Variants in ANKIB1 observed in about 807,000 individuals in gnomAD.
ANKIB1 encodes ankyrin repeat and IBR domain containing 1, also known as ankyrin repeat and IBR domain-containing protein 1.
A neutral mutation model predicts 122.1 loss-of-function variants in ANKIB1; 43 were observed. That is an observed-to-expected ratio of 0.35 (90% CI 0.28 to 0.45). ANKIB1 has a LOEUF of 0.45. Ranked by LOEUF, ANKIB1 falls within the 20% of genes least tolerant of loss-of-function variation. The pLI is 1.00. For missense variants in ANKIB1, 992 were observed against 1,329.5 expected, an observed-to-expected ratio of 0.75 and a Z score of 3.95; for synonymous variants, 390 against 442.0, an observed-to-expected ratio of 0.88 and a Z score of 1.48.
Position 92,398,246 on chromosome 7 carries a change from T to C in ANKIB1, c.2567T>C (p.Ile856Thr). Residue 856 changes from isoleucine (I) to threonine (T), a missense_variant, in exon 20 of 20, where the codon ATA becomes ACA. Ile to Thr is a moderately conservative substitution (Grantham distance 89). Coordinates refer to ENST00000265742, the MANE Select transcript of ANKIB1 (RefSeq NM_019004.2). ...TCCTTGGATGAAGACGATCCCAATATACTTCTTGCAATACAGTTATCACTG... is the reference window on the plus strand; with the variant it reads ...TCCTTGGATGAAGACGATCCCAATACACTTCTTGCAATACAGTTATCACTG... The part of the protein sequence containing the change: ...LSSLDEDDPN[I>T]LLAIQLSLQE... The C allele has an allele frequency of 6.2e-7, 1 of 1,610,840 alleles. No homozygotes were observed. Among genetic ancestry groups the C allele is most frequent in the Non-Finnish European group, 8.5e-7 (1 of 1,178,494 alleles).
rs1437344467 is a variant in ANKIB1, at chr7:92,246,014, C to T, written c.-596C>T. 6.1e-5 allele frequency: 15 copies of T among 246,628 alleles called. No homozygotes were observed. The highest frequency in any genetic ancestry group is 1.1e-4 in the Non-Finnish European group (14 of 125,980). 15.3% of individuals were successfully genotyped at this position (246,628 alleles called of 1,614,324 possible). A position where few individuals can be genotyped will look rare whatever the true frequency, so the allele number is the denominator to read the frequency against. On this transcript the variant is annotated 5_prime_UTR_variant, in exon 1 of 20. Transcript: ENST00000265742. ...CTGCTGCCGTTCCTGCTCCTTTTCACTGGACCTGCAGTCTCTCAGGGGCTG... is the reference window on the plus strand; with the variant it reads ...CTGCTGCCGTTCCTGCTCCTTTTCATTGGACCTGCAGTCTCTCAGGGGCTG...
chr7:92,309,315 G>A (rs1244140381), intron 3 of ANKIB1, among the ~76,000 whole-genome samples: 1 of 152,140 alleles, frequency 6.6e-6, no homozygotes, highest in Non-Finnish European at 1.5e-5. Context: ...AAACTCTTGG[G>A]TTTAAGCGAT....
intron 9 of ANKIB1, among the ~76,000 whole-genome samples, chr7:92,358,684 A>C (rs1187474655): frequency 2.6e-5 from 4 of 151,846 alleles, no homozygotes; most frequent in Admixed American, 2.6e-4. Context: ...ATGGATATTG[A>C]ATATGCTGTT....
intron 4 of ANKIB1, among the ~76,000 whole-genome samples, chr7:92,327,156 T>C (rs541370967): frequency 3.9e-5 from 6 of 152,336 alleles, no homozygotes; most frequent in African/African-American, 1.4e-4. Context: ...AATCCAAAAT[T>C]TTAAAACTGT....
chr7:92,355,544 G>A (rs1318322052), intron 9 of ANKIB1, among the ~76,000 whole-genome samples: 2 of 152,026 alleles, frequency 1.3e-5, no homozygotes, highest in Non-Finnish European at 2.9e-5. Context: ...TGATTGGCAG[G>A]AAATATTCTA....
At chr7:92,292,093 C>G (rs1802261753) in intron 1 of ANKIB1, among the ~76,000 whole-genome samples, 1 of 152,086 alleles carries the variant, frequency 6.6e-6, no homozygotes, top group Non-Finnish European at 1.5e-5. Flanking sequence ...TTGATTCAAA[C>G]AGAGGGAACA....
chr7:92,326,315 G>A lies in ANKIB1; in HGVS notation c.670-1468G>A, dbSNP rs1172084547. Among the ~76,000 whole-genome samples the A allele has an allele frequency of 2.6e-5, 4 of 152,130 alleles. No homozygotes were observed. In the South Asian group the frequency reaches 6.2e-4, roughly 24 times the overall value. On this transcript the variant is annotated intron_variant, in intron 4 of 19. Coordinates refer to ENST00000265742, the MANE Select transcript of ANKIB1 (RefSeq NM_019004.2). The stretch of plus-strand genomic sequence containing the variant: ...ATATCATGTCAGAACTGCAAGCAAA[G>A]CTAATTTTCCCCTATAAGTTACTTG...
rs187649000 is a variant in ANKIB1 at position 92,341,948 on chromosome 7, A to T, written c.788-1076A>T. ...AAGGAGCATCTATATTTATATACGT[A>T]CTTGTTTATTTTCCCTACCTGGAAA... is the stretch of plus-strand genomic sequence containing the variant. On this transcript the variant is annotated intron_variant, in intron 5 of 19. Transcript: ENST00000265742. Among the ~76,000 whole-genome samples, 417 of 152,192 alleles carry T rather than the reference A, an allele frequency of 2.7e-3. 3 individuals carry two copies. Among genetic ancestry groups the T allele is most frequent in the African/African-American group, 9.6e-3 (400 of 41,516 alleles).
chr7:92,398,121 C>A, intron 19 of ANKIB1, 91 bp from the exon 20 acceptor site: 1 of 1,313,636 alleles, frequency 7.6e-7, no homozygotes, highest in Non-Finnish European at 1.0e-6. Flanking sequence ...AATTAATAAT[C>A]TGTTGGTAAA....
intron 16 of ANKIB1, among the ~76,000 whole-genome samples, 194 bp from the exon 17 acceptor site, chr7:92,392,043 CATTT>C (rs1197351514): frequency 6.6e-6 from 1 of 151,878 alleles, no homozygotes; most frequent in Non-Finnish European, 1.5e-5. Context: ...ATTTTTTGAT[CATTT>C]TACACAAACA....
chr7:92,355,848 C>CATAATAATAATA (rs5885805), intron 9 of ANKIB1, among the ~76,000 whole-genome samples: 5 of 143,372 alleles, frequency 3.5e-5, no homozygotes, highest in African/African-American at 7.7e-5. Flanking sequence ...GACTCCGTCT[C>CATAATAATAATA]ATAATAATAA....
At chr7:92,252,076 A>C (rs556514233) in intron 1 of ANKIB1, among the ~76,000 whole-genome samples, 240 of 152,260 alleles carry the variant, frequency 1.6e-3, no homozygotes, top group South Asian at 6.6e-3. Flanking sequence ...CCTGGCAGTA[A>C]TACCACAGAA....
At chr7:92,288,327 A>G (rs1802178373) in intron 1 of ANKIB1, among the ~76,000 whole-genome samples, 5 of 152,234 alleles carry the variant, frequency 3.3e-5, no homozygotes. Context: ...GCAAACTACA[A>G]AACTCTCATT....
intron 7 of ANKIB1, 88 bp from the exon 8 acceptor site, chr7:92,350,862 A>C (rs1803647854): frequency 7.4e-7 from 1 of 1,351,934 alleles, no homozygotes; most frequent in Non-Finnish European, 9.9e-7. Context: ...GTCTCTAAAA[A>C]AAAAAGGAAA....
chr7:92,319,257 A>C, intron 3 of ANKIB1, 73 bp from the exon 4 acceptor site: 1 of 904,018 alleles, frequency 1.1e-6, no homozygotes, highest in South Asian at 1.9e-5. Context: ...TTATATTTTT[A>C]ATGTTTTAAA....
intron 1 of ANKIB1, among the ~76,000 whole-genome samples, chr7:92,250,359 C>T (rs918233100): frequency 6.6e-6 from 1 of 152,200 alleles, no homozygotes; most frequent in African/African-American, 2.4e-5. Flanking sequence ...CGCCATTGCA[C>T]TCTAGCCTGG....
intron 9 of ANKIB1, among the ~76,000 whole-genome samples, chr7:92,356,533 G>T (rs186126568): frequency 6.6e-6 from 1 of 152,232 alleles, no homozygotes; most frequent in Non-Finnish European, 1.5e-5. Context: ...ATAAATAAAT[G>T]CCACTTGAGG....
intron 10 of ANKIB1, among the ~76,000 whole-genome samples, chr7:92,370,144 T>C (rs80006134): frequency 0.023 from 3,475 of 152,148 alleles, 135 homozygotes; most frequent in African/African-American, 0.08. Flanking sequence ...TAAAAGATTT[T>C]AAGTGGTGTG....
At chr7:92,333,312 T>C (rs546399670) in intron 5 of ANKIB1, among the ~76,000 whole-genome samples, 40 of 152,316 alleles carry the variant, frequency 2.6e-4, no homozygotes, top group South Asian at 8.3e-4. Context: ...TCTAGCCTTA[T>C]CTCATACAGT....
Sources: gnomAD v4.1 joint callset for allele counts (sites outside exome capture counted in the v4.1 genomes callset) on GRCh38, gnomAD v4.1.1 for gene constraint, MANE v1.5 for transcripts, NCBI Gene and HGNC (gene_info 2026-07-23, HGNC 2026-07-21) for gene names.